Variants in PTPRQ observed in about 807,000 individuals in gnomAD.
The protein encoded by PTPRQ is protein tyrosine phosphatase receptor type Q.
In PTPRQ, 199 loss-of-function variants were observed where a neutral mutation model predicts 246.0. That is an observed-to-expected ratio of 0.81 (90% CI 0.72 to 0.91). The LOEUF is 0.91. PTPRQ is among the 40% of genes least tolerant of loss of function. The pLI is 0.00. For synonymous variants in PTPRQ, 869 were observed against 853.2 expected, an observed-to-expected ratio of 1.02 and a Z score of -0.32; for missense variants, 2,624 against 2,528.4, an observed-to-expected ratio of 1.04 and a Z score of -0.81.
rs1257979439 is a variant in PTPRQ at position 80,533,309 on chromosome 12, T to C, written c.2679-706T>C. On this transcript the variant is annotated intron_variant, in intron 17 of 44. Coordinates refer to ENST00000644991, the MANE Select transcript of PTPRQ (RefSeq NM_001145026.2). ...GTTATATTTTGTTCTTTAGACTCTT[T>C]TTTCCCTTCCTGAGATTTTGATATG... is the stretch of plus-strand genomic sequence containing the variant. Among the ~76,000 whole-genome samples, 6 of 152,160 alleles carry C rather than the reference T, an allele frequency of 3.9e-5. No individual in the cohort carries two copies. In the East Asian group the frequency reaches 1.2e-3, roughly 29 times the overall value.
At chr12:80,580,407 C>T (rs1005500631) in intron 25 of PTPRQ, among the ~76,000 whole-genome samples, 2 of 152,098 alleles carry the variant, frequency 1.3e-5, no homozygotes, top group South Asian at 2.1e-4. Flanking sequence ...AAATTAGTAC[C>T]ATCTGTGGAT....
At chr12:80,475,224 T>C (rs930205820) in intron 8 of PTPRQ, among the ~76,000 whole-genome samples, 2 of 152,084 alleles carry the variant, frequency 1.3e-5, no homozygotes, top group Admixed American at 6.6e-5. Context: ...TTTATAAATA[T>C]ATTAACTCGA....
rs191789563 is a variant in PTPRQ, at chr12:80,645,454, C to A, written c.5916-3443C>A. The stretch of plus-strand genomic sequence containing the variant: ...AGCCAGAATATTCATATTTTGCTTT[C>A]TGTGTATCTTAATCTGAATTCATCC... On this transcript the variant is annotated intron_variant, in intron 35 of 44. Transcript: ENST00000644991. Among the ~76,000 whole-genome samples, 271 of 151,852 alleles carry A rather than the reference C, an allele frequency of 1.8e-3. 1 individual carries two copies. The highest frequency in any genetic ancestry group is 6.1e-3 in the African/African-American group (253 of 41,448).
intron 38 of PTPRQ, among the ~76,000 whole-genome samples, chr12:80,653,537 C>T (rs916629355): frequency 3.9e-5 from 6 of 152,152 alleles, no homozygotes; most frequent in Admixed American, 6.5e-5. Flanking sequence ...TGTCCTGAAA[C>T]GTTTCAAAGT....
intron 17 of PTPRQ, among the ~76,000 whole-genome samples, chr12:80,531,034 A>G (rs1166027851): frequency 2.0e-5 from 3 of 151,964 alleles, no homozygotes; most frequent in Admixed American, 6.6e-5. Flanking sequence ...TAAAAAATAT[A>G]TATATTTAAA....
chr12:80,593,552 G>A (rs544270769), intron 26 of PTPRQ: 2 of 152,190 alleles, frequency 1.3e-5, no homozygotes, highest in Admixed American at 1.3e-4. Context: ...GATCATTGAA[G>A]CCAAATTGCT....
intron 6 of PTPRQ, chr12:80,462,300 C>T (rs930285459): frequency 3.1e-3 from 563 of 179,888 alleles, no homozygotes; most frequent in African/African-American, 0.013. Context: ...AAGGTGGCAG[C>T]GAGGCTGGGT....
chr12:80,458,631 T>G (rs1337303879), intron 4 of PTPRQ, among the ~76,000 whole-genome samples: 1 of 152,054 alleles, frequency 6.6e-6, no homozygotes, highest in East Asian at 1.9e-4. Flanking sequence ...TCTTGGTGTT[T>G]TACTCTATCA....
At chr12:80,448,088 T>A (rs1043047303) in intron 3 of PTPRQ, among the ~76,000 whole-genome samples, 1 of 152,142 alleles carries the variant, frequency 6.6e-6, no homozygotes, top group African/African-American at 2.4e-5. Flanking sequence ...GTAGTTCTCC[T>A]TGTAAAGATT....
At chr12:80,468,962 T>C (rs1893536596) in intron 7 of PTPRQ, 124 bp downstream of exon 7, 28 of 1,338,502 alleles carry the variant, frequency 2.1e-5, no homozygotes, top group Non-Finnish European at 2.8e-5. Flanking sequence ...AAGCAAACAA[T>C]AGGAAAGTCA....
rs1356188541 is a variant in PTPRQ, at chr12:80,669,371, C to A, written c.6360C>A (p.Asn2120Lys). The part of the protein sequence containing the change: ...IRCHQYWPED[N>K]KPVTVFGDIV... ...GCCATCAGTATTGGCCAGAGGACAA[C>A]AAGCCAGTTACTGTCTTTGGAGATA... The change falls in exon 41 of 45, where the codon AAC becomes AAA. Residue 2120 changes from asparagine (N) to lysine (K), a missense_variant. By Grantham distance (94) the Asn-to-Lys change is moderately conservative. Transcript: ENST00000644991. 1.9e-6 allele frequency: 3 copies of A among 1,549,406 alleles called. No homozygotes were observed. Among genetic ancestry groups the A allele is most frequent in the Non-Finnish European group, 2.6e-6 (3 of 1,145,894 alleles).
chr12:80,652,338 T>C (rs1426026399), intron 37 of PTPRQ, among the ~76,000 whole-genome samples: 5 of 152,132 alleles, frequency 3.3e-5, no homozygotes, highest in Admixed American at 3.3e-4. Context: ...TTAATAGGCA[T>C]GAAATCACAC....
At chr12:80,557,306 T>G (rs1353991793) in intron 25 of PTPRQ, among the ~76,000 whole-genome samples, 1 of 152,064 alleles carries the variant, frequency 6.6e-6, no homozygotes, top group Non-Finnish European at 1.5e-5. Context: ...AGCTAGAATT[T>G]TCCATACTCC....
chr12:80,576,377 G>A (rs947622891), intron 25 of PTPRQ, among the ~76,000 whole-genome samples: 13 of 152,014 alleles, frequency 8.6e-5, no homozygotes, highest in Non-Finnish European at 1.6e-4. Context: ...CCTGACCTCA[G>A]GTGATCTTCC....
chr12:80,514,589 AATAT>A (rs1223880600), intron 17 of PTPRQ, among the ~76,000 whole-genome samples: 3 of 134,668 alleles, frequency 2.2e-5, no homozygotes, highest in East Asian at 4.0e-4. Context: ...TATATTATAT[AATAT>A]ATATAATATA....
intron 4 of PTPRQ, among the ~76,000 whole-genome samples, chr12:80,458,129 C>G (rs987850038): frequency 2.0e-5 from 3 of 152,064 alleles, no homozygotes; most frequent in Non-Finnish European, 2.9e-5. Flanking sequence ...AACATGCAGT[C>G]ATTACCAAAC....
At chr12:80,623,653 T>C (rs911409569) in intron 33 of PTPRQ, among the ~76,000 whole-genome samples, 1 of 152,188 alleles carries the variant, frequency 6.6e-6, no homozygotes, top group Admixed American at 6.6e-5. Context: ...ATAACCCATG[T>C]GTCTTAGGAG....
intron 25 of PTPRQ, among the ~76,000 whole-genome samples, chr12:80,579,322 A>G (rs976888227): frequency 2.6e-5 from 4 of 152,004 alleles, no homozygotes; most frequent in Non-Finnish European, 1.5e-5. Context: ...AATCCCCCAC[A>G]CTTTTTTCTT....
chr12:80,457,617 C>A lies in PTPRQ; in HGVS notation c.433C>A (p.Pro145Thr). ...NSAGIGVFSDPFLFQTAESAP... is the reference protein window; with the variant it reads ...NSAGIGVFSDTFLFQTAESAP... ...TGCTGGCATTGGAGTGTTTAGTGAT[C>A]CATTTCTCTTCCAAACTGCAGAAAG... The change falls in exon 4 of 45, where the codon CCA (proline) becomes ACA (threonine). Residue 145 changes from proline (P) to threonine (T), a missense_variant. By Grantham distance (38) the Pro-to-Thr change is conservative. Coordinates refer to ENST00000644991, the MANE Select transcript of PTPRQ (RefSeq NM_001145026.2). 2.5e-6 allele frequency: 1 copy of A among 400,140 alleles called. No homozygotes were observed. Among genetic ancestry groups the A allele is most frequent in the Non-Finnish European group, 4.4e-6 (1 of 225,874 alleles). The allele number at this position is 400,140 out of a possible 1,614,324, so 24.8% of individuals were successfully genotyped here. A position where few individuals can be genotyped will look rare whatever the true frequency, so the allele number is the denominator to read the frequency against.
Sources: allele counts gnomAD v4.1 joint callset (sites outside exome capture counted in the v4.1 genomes callset), GRCh38; gene constraint gnomAD v4.1.1; transcripts MANE v1.5; gene names NCBI Gene and HGNC (gene_info 2026-07-23, HGNC 2026-07-21).